Variants in OXNAD1 observed in about 807,000 individuals in gnomAD.
OXNAD1 encodes oxidoreductase NAD binding domain containing 1.
In OXNAD1, 34 loss-of-function variants were observed where a neutral mutation model predicts 32.9. That is an observed-to-expected ratio of 1.03 (90% CI 0.79 to 1.38). The LOEUF (loss-of-function observed/expected upper bound fraction) is 1.38, where lower values mean the gene tolerates loss of function less well. Ranked by LOEUF, OXNAD1 falls within the 40% of genes most tolerant of loss-of-function variation. The probability of loss-of-function intolerance (pLI) is 0.00; values close to 1 mark genes in which losing one functional copy is unlikely to be tolerated. For synonymous variants in OXNAD1, 134 were observed against 135.2 expected (o/e 0.99, Z 0.06); for missense variants, 407 against 379.4 (o/e 1.07, Z -0.60).
At chr3:16,325,976 T>C (rs1374631719) in intron 9 of OXNAD1, among the ~76,000 whole-genome samples, 1 of 152,242 alleles carries the variant, frequency 6.6e-6, no homozygotes, top group African/African-American at 2.4e-5. Context: ...TGCCTGATTC[T>C]GCAGACTGAG....
Position 16,320,504 on chromosome 3 carries a change from G to A in OXNAD1, c.*31-16608G>A, listed in dbSNP as rs2068928275. Among the ~76,000 whole-genome samples, 1 of 152,186 alleles carries A rather than the reference G, an allele frequency of 6.6e-6. No individual in the cohort carries two copies. The highest frequency in any genetic ancestry group is 2.4e-5 in the African/African-American group (1 of 41,456). ...ATCTGGGTACACAACACAGGAAAAAGGTCTTTGCTCTTGTGGAGACTATGT... is the reference window on the plus strand; with the variant it reads ...ATCTGGGTACACAACACAGGAAAAAAGTCTTTGCTCTTGTGGAGACTATGT... On this transcript the variant is annotated intron_variant, in intron 9 of 9. Transcript: ENST00000435829. The surrounding 1 kb of genome is among the most constrained non-coding windows in gnomAD (Gnocchi z 4.5).
chr3:16,317,162 G>T lies in OXNAD1; in HGVS notation c.*30+13570G>T. On this transcript the variant is annotated intron_variant, in intron 9 of 9. Coordinates refer to the OXNAD1 transcript ENST00000435829. The surrounding 1 kb of genome is among the most constrained non-coding windows in gnomAD (Gnocchi z 4.3). ...TTCTTCTGCTTGTTGTTTGTCTCTG[G>T]CACTGAGTTTACCTTTTGATTTCCT... The T allele has an allele frequency of 6.2e-7, 1 of 1,613,388 alleles. No individual in the cohort carries two copies. The highest frequency in any genetic ancestry group is 1.1e-5 in the South Asian group (1 of 91,066).
rs2071527428 is a variant in OXNAD1 at position 16,344,720 on chromosome 3, A to C, written c.*31-4456A>C. On this transcript the variant is annotated intron_variant, in intron 9 of 9. Transcript: ENST00000606098. This position sits in a 1 kb window ranked among gnomAD's most constrained non-coding sequence, Gnocchi z 4.4. ...ATGAAGACAGACCTCCTCCCAATGA[A>C]AGCACATCGTTGCCAAGTGCGGCCT... Among the ~76,000 whole-genome samples, 1 of 152,204 alleles carries C rather than the reference A, an allele frequency of 6.6e-6. No homozygotes were observed. Among genetic ancestry groups the C allele is most frequent in the Non-Finnish European group, 1.5e-5 (1 of 68,032 alleles).
rs1575148637 is a variant in OXNAD1 at position 16,301,666 on chromosome 3, A to G, written c.473A>G (p.Glu158Gly). Reference protein sequence around the residue: ...DCEVAVRVGGEFFFDPQPADA... With the variant: ...DCEVAVRVGGGFFFDPQPADA... ...GAAGTGGCTGTGAGAGTGGGTGGAG[A>G]GTTCTTCTTTGACCCTCAGCCTGCG... The change falls in exon 7 of 9, where the codon GAG becomes GGG. Residue 158 changes from glutamate (E) to glycine (G), a missense_variant. By Grantham distance (98) the Glu-to-Gly change is moderately conservative. Transcript: ENST00000285083. The surrounding 1 kb of genome is among the most constrained non-coding windows in gnomAD (Gnocchi z 4.1). 1.2e-6 allele frequency: 2 copies of G among 1,613,838 alleles called. No individual in the cohort carries two copies. Among genetic ancestry groups the G allele is most frequent in the Admixed American group, 3.3e-5 (2 of 59,990 alleles).
chr3:16,280,690 C>T lies in OXNAD1; in HGVS notation c.184-5652C>T, dbSNP rs2065676175. ...AATGAACAGGAGTGAACAGGGAAAG[C>T]TAGCCAGGTTTCCAAAGAAATACCT... On this transcript the variant is annotated intron_variant, in intron 4 of 8. Coordinates refer to ENST00000285083, the MANE Select transcript of OXNAD1 (RefSeq NM_138381.5). This position sits in a 1 kb window ranked among gnomAD's most constrained non-coding sequence, Gnocchi z 4.5. 6.6e-6 allele frequency among the ~76,000 whole-genome samples: 1 copy of T among 152,120 alleles called. No individual in the cohort carries two copies. Among genetic ancestry groups the T allele is most frequent in the Admixed American group, 6.5e-5 (1 of 15,272 alleles).
At position 16,298,759 on chromosome 3, in the gene OXNAD1, T is replaced by C. The variant is rs182861392; in HGVS notation, c.433-2867T>C. On this transcript the variant is annotated intron_variant, in intron 6 of 8. Coordinates refer to ENST00000285083, the MANE Select transcript of OXNAD1 (RefSeq NM_138381.5). The surrounding 1 kb of genome is among the most constrained non-coding windows in gnomAD (Gnocchi z 5.1). ...GGTAAAGGGTTCTAGACAGCTATTG[T>C]GTGCTCAGCTCCAGTTGCTGTGGAA... Among the ~76,000 whole-genome samples, 1 of 152,336 alleles carries C rather than the reference T, an allele frequency of 6.6e-6. No individual in the cohort carries two copies. Among genetic ancestry groups the C allele is most frequent in the East Asian group, 1.9e-4 (1 of 5,176 alleles).
At chr3:16,293,539 G>C (rs1385790024) in intron 5 of OXNAD1, among the ~76,000 whole-genome samples, 2 of 152,138 alleles carry the variant, frequency 1.3e-5, no homozygotes, top group Non-Finnish European at 2.9e-5. Flanking sequence ...CTCTAGGACA[G>C]TGTTGAGTTG....
rs955730193 is a variant in OXNAD1, at chr3:16,322,137, G to A, written c.*31-14975G>A. 6.6e-6 allele frequency among the ~76,000 whole-genome samples: 1 copy of A among 152,240 alleles called. No individual in the cohort carries two copies. Among genetic ancestry groups the A allele is most frequent in the Admixed American group, 6.5e-5 (1 of 15,284 alleles). On this transcript the variant is annotated intron_variant, in intron 9 of 9. Transcript: ENST00000435829. This position sits in a 1 kb window ranked among gnomAD's most constrained non-coding sequence, Gnocchi z 6.2. ...GCTGAGCTGAAACTGACAGCGCTCT[G>A]CAGCCGATCCATCTTCCAGCTGGTG...
chr3:16,295,209 C>T (rs779033028), intron 6 of OXNAD1, among the ~76,000 whole-genome samples: 4 of 152,064 alleles, frequency 2.6e-5, no homozygotes, highest in Non-Finnish European at 5.9e-5. Context: ...GGTCACCAAA[C>T]GGTATTCAGT....
chr3:16,309,836 C>T (rs2067845416), downstream of OXNAD1, among the ~76,000 whole-genome samples: 1 of 152,180 alleles, frequency 6.6e-6, no homozygotes, highest in Non-Finnish European at 1.5e-5. Flanking sequence ...AAATTGCTTT[C>T]AGCTTTACCT....
In OXNAD1 at chr3:16,346,561, G is replaced by C. The variant is rs75013070; in HGVS notation, c.*31-2615G>C. ...ATTCTGTTGGCTGCCAAAGCCAACA[G>C]CCCCTCGATGGCCCAGGGCTTCTTC... On this transcript the variant is annotated intron_variant, in intron 9 of 9. Coordinates refer to the OXNAD1 transcript ENST00000606098. The surrounding 1 kb of genome is among the most constrained non-coding windows in gnomAD (Gnocchi z 4.4). 1 of 152,194 alleles carries C rather than the reference G, an allele frequency of 6.6e-6. No homozygotes were observed. Among genetic ancestry groups the C allele is most frequent in the African/African-American group, 2.4e-5 (1 of 41,422 alleles). 9.4% of individuals were successfully genotyped at this position (152,194 alleles called of 1,614,324 possible).
At position 16,299,834 on chromosome 3, in the gene OXNAD1, A is replaced by T. The variant is rs1386442220; in HGVS notation, c.433-1792A>T. ...TCTTTATTCCTAGAATCTGTTTTTT[A>T]GTGACAGGGAAGAAGGAAGCTGGTA... On this transcript the variant is annotated intron_variant, in intron 6 of 8. Coordinates refer to ENST00000285083, the MANE Select transcript of OXNAD1 (RefSeq NM_138381.5). This position sits in a 1 kb window ranked among gnomAD's most constrained non-coding sequence, Gnocchi z 4.4. 2.0e-5 allele frequency among the ~76,000 whole-genome samples: 3 copies of T among 152,216 alleles called. No individual in the cohort carries two copies. The highest frequency in any genetic ancestry group is 7.2e-5 in the African/African-American group (3 of 41,456).
At chr3:16,340,361 T>C (rs1206363647), downstream of OXNAD1, among the ~76,000 whole-genome samples, 2 of 152,230 alleles carry the variant, frequency 1.3e-5, no homozygotes, top group Admixed American at 6.5e-5. Flanking sequence ...GTTAGCTTAC[T>C]GAATGTTAAG....
At chr3:16,308,562 A>G (rs1356200452), downstream of OXNAD1, among the ~76,000 whole-genome samples, 4 of 152,164 alleles carry the variant, frequency 2.6e-5, no homozygotes, top group Non-Finnish European at 5.9e-5. This position sits in a 1 kb window ranked among gnomAD's most constrained non-coding sequence, Gnocchi z 4.4. Context: ...TTTTATTTTA[A>G]AACTCAAAAG....
chr3:16,266,584 C>G (rs1044567242), intron 1 of OXNAD1, among the ~76,000 whole-genome samples: 1 of 114,188 alleles, frequency 8.8e-6, no homozygotes, highest in African/African-American at 3.6e-5. Context: ...GCCTGGGCGA[C>G]AGAGCTAGAC....
At chr3:16,270,835 TAATAGC>T in intron 2 of OXNAD1, 104 bp from the exon 3 acceptor site, 1 of 1,492,072 alleles carries the variant, frequency 6.7e-7, no homozygotes, top group East Asian at 2.3e-5. Flanking sequence ...ACTTGACTCA[TAATAGC>T]ACCAACAGAA....
At chr3:16,310,591 A>G (rs574099722), downstream of OXNAD1, among the ~76,000 whole-genome samples, 63 of 152,304 alleles carry the variant, frequency 4.1e-4, no homozygotes, top group African/African-American at 1.4e-3. Context: ...ATGAATGAAT[A>G]TCTCTACTCT....
At chr3:16,269,042 A>C (rs2064751864) in intron 1 of OXNAD1, 84 bp from the exon 2 acceptor site, 1 of 1,261,452 alleles carries the variant, frequency 7.9e-7, no homozygotes, top group African/African-American at 1.5e-5. Context: ...GATTTTAATG[A>C]GCCTTTCCTT....
In OXNAD1 at chr3:16,312,072, G is replaced by C. The variant is rs1162874135; in HGVS notation, c.*30+8480G>C. Among the ~76,000 whole-genome samples, 1 of 152,210 alleles carries C rather than the reference G, an allele frequency of 6.6e-6. No homozygotes were observed. The highest frequency in any genetic ancestry group is 2.4e-5 in the African/African-American group (1 of 41,450). On this transcript the variant is annotated intron_variant, in intron 9 of 9. Transcript: ENST00000435829. The surrounding 1 kb of genome is among the most constrained non-coding windows in gnomAD (Gnocchi z 4.7). ...GAAGCAAGCACCAGCCAGGTTCAGA[G>C]AGCCATTCATCTGCAGCCAGGGTTC...
Sources: gnomAD v4.1 joint callset for allele counts (sites outside exome capture counted in the v4.1 genomes callset) on GRCh38, gnomAD v4.1.1 for gene constraint, Gnocchi (gnomAD v3.1) non-coding constraint, MANE v1.5 for transcripts, NCBI Gene and HGNC (gene_info 2026-07-23, HGNC 2026-07-21) for gene names.